The following KLF17 variants were observed in gnomAD, a reference collection of about 807,000 sequenced individuals.
KLF17 encodes the protein Krueppel-like factor 17.
A neutral mutation model predicts 34.2 loss-of-function variants in KLF17; 31 were observed. The observed-to-expected ratio is 0.91, with a 90% confidence interval of 0.68 to 1.22. KLF17 has a LOEUF of 1.22. Among genes scored for constraint, KLF17 ranks in the 50% most tolerant of loss-of-function variants. The pLI, the probability that KLF17 is intolerant of heterozygous loss-of-function variation, is 0.00. For missense variants in KLF17, 478 were observed against 505.2 expected (o/e 0.95, Z 0.52); for synonymous variants, 179 against 186.7 (o/e 0.96, Z 0.34).
At chr1:44,051,196 A>AT in the KLF17 span, 6 of 152,524 alleles carry the variant, frequency 3.9e-5, no homozygotes, top group African/African-American at 1.4e-4. Context: ...AAATGGAGAG[A>AT]TGGCAAGAAA....
the KLF17 span, among the ~76,000 whole-genome samples, chr1:44,093,205 C>T: frequency 6.6e-6 from 1 of 151,790 alleles, no homozygotes; most frequent in African/African-American, 2.4e-5. Flanking sequence ...AACCTAAGTC[C>T]AGCTGGTTGG....
the KLF17 span, chr1:44,113,693 C>T: frequency 6.6e-6 from 1 of 152,192 alleles, no homozygotes; most frequent in Non-Finnish European, 1.5e-5. Context: ...CTCTGCGCAT[C>T]AGCATTAGTT....
the KLF17 span, among the ~76,000 whole-genome samples, chr1:44,077,438 G>A: frequency 6.6e-6 from 1 of 152,126 alleles, no homozygotes; most frequent in African/African-American, 2.4e-5. Flanking sequence ...AAACTCGGTG[G>A]CATAAAACAA....
chr1:44,053,915 G>A, the KLF17 span, among the ~76,000 whole-genome samples: 3 of 152,318 alleles, frequency 2.0e-5, no homozygotes, highest in East Asian at 1.9e-4. Context: ...ATGCCATATC[G>A]TGTGGGAGGA....
chr1:44,089,250 T>C, the KLF17 span, among the ~76,000 whole-genome samples: 1 of 152,176 alleles, frequency 6.6e-6, no homozygotes, highest in Non-Finnish European at 1.5e-5. Context: ...CAGATGCAGA[T>C]GCTGAGATGG....
the KLF17 span, among the ~76,000 whole-genome samples, chr1:44,066,735 G>A: frequency 6.6e-6 from 1 of 152,260 alleles, no homozygotes; most frequent in Non-Finnish European, 1.5e-5. Context: ...AGCCAGTAGC[G>A]CTATATGTAA....
the KLF17 span, among the ~76,000 whole-genome samples, chr1:44,070,620 A>G: frequency 4.2e-5 from 4 of 95,120 alleles, no homozygotes; most frequent in Admixed American, 6.2e-4. Flanking sequence ...TTTTTTTGAG[A>G]CAGGGTCTTG....
At chr1:44,109,787 G>A in the KLF17 span, among the ~76,000 whole-genome samples, 6 of 152,036 alleles carry the variant, frequency 3.9e-5, no homozygotes, top group African/African-American at 1.4e-4. Context: ...GAACTGGGAG[G>A]TAGGGCATGG....
chr1:44,112,706 C>G, the KLF17 span, among the ~76,000 whole-genome samples: 1 of 152,328 alleles, frequency 6.6e-6, no homozygotes, highest in East Asian at 1.9e-4. Context: ...CCGCAATTGG[C>G]CTTCAGCCTT....
At chr1:44,103,669 G>A in the KLF17 span, 1 of 1,610,098 alleles carries the variant, frequency 6.2e-7, no homozygotes, top group Non-Finnish European at 8.5e-7. Flanking sequence ...TCACGCAGCT[G>A]CCGCGCCATG....
At chr1:44,073,209 C>CT in the KLF17 span, among the ~76,000 whole-genome samples, 57,429 of 137,656 alleles carry the variant, frequency 0.42, 12,731 homozygotes, top group South Asian at 0.57. Context: ...TCTTCTTCTT[C>CT]TTTTTTTTTT....
At chr1:44,055,026 G>A in the KLF17 span, among the ~76,000 whole-genome samples, 5 of 151,910 alleles carry the variant, frequency 3.3e-5, no homozygotes, top group African/African-American at 7.3e-5. Flanking sequence ...TGATCCACCC[G>A]CCTCAGCCTC....
At chr1:44,044,670 C>A in the KLF17 span, 1 of 152,346 alleles carries the variant, frequency 6.6e-6, no homozygotes, top group Non-Finnish European at 1.5e-5. Flanking sequence ...GAACTGTGGA[C>A]TCTGAAGCCA....
chr1:44,064,089 TAAC>T, the KLF17 span, among the ~76,000 whole-genome samples: 1 of 152,092 alleles, frequency 6.6e-6, no homozygotes, highest in Non-Finnish European at 1.5e-5. Flanking sequence ...CTCCCTAAAC[TAAC>T]TGCCAGAGGA....
At chr1:44,057,048 C>T in the KLF17 span, among the ~76,000 whole-genome samples, 1 of 152,160 alleles carries the variant, frequency 6.6e-6, no homozygotes, top group South Asian at 2.1e-4. Context: ...CCTACTCTAG[C>T]AGGCCTGATC....
chr1:44,121,836 G>A (rs925981858), intron 1 of KLF17, among the ~76,000 whole-genome samples: 3 of 152,140 alleles, frequency 2.0e-5, no homozygotes, highest in Non-Finnish European at 4.4e-5. Context: ...TTGTATTAAG[G>A]TAGCGAAAAG....
chr1:44,087,404 C>T, the KLF17 span, among the ~76,000 whole-genome samples: 41 of 151,792 alleles, frequency 2.7e-4, no homozygotes, highest in African/African-American at 9.4e-4. Flanking sequence ...TACAGGTGTG[C>T]ACCATCACAC....
chr1:44,118,763 G>A (rs2087909438), upstream of KLF17: 5 of 597,964 alleles, frequency 8.4e-6, no homozygotes. Flanking sequence ...GGGACGGGTG[G>A]GGCCTGACCC....
At chr1:44,110,829 G>GA in the KLF17 span, among the ~76,000 whole-genome samples, 1 of 151,964 alleles carries the variant, frequency 6.6e-6, no homozygotes, top group African/African-American at 2.4e-5. Flanking sequence ...AAATTGGTCA[G>GA]AATTGTGCTT....
Sources: allele counts gnomAD v4.1 joint callset (sites outside exome capture counted in the v4.1 genomes callset), GRCh38; gene constraint gnomAD v4.1.1; transcripts MANE v1.5; gene names NCBI Gene and HGNC (gene_info 2026-07-23, HGNC 2026-07-21).